The following CDKAL1 variants were observed in gnomAD, a reference collection of about 807,000 sequenced individuals.
CDKAL1 encodes threonylcarbamoyladenosine tRNA methylthiotransferase.
In CDKAL1, 32 loss-of-function variants were observed where a neutral mutation model predicts 68.2. The ratio of observed to expected loss-of-function variants is 0.47; its 90% CI spans 0.35 to 0.63. CDKAL1 has a LOEUF of 0.63. Among genes scored for constraint, CDKAL1 ranks in the 30% least tolerant of loss-of-function variants. The pLI is 0.00. For synonymous variants in CDKAL1, 234 were observed against 244.3 expected (o/e 0.96, Z 0.39); for missense variants, 606 against 696.7 (o/e 0.87, Z 1.47).
chr6:21,217,745 G>A (rs1435148542), intron 15 of CDKAL1, among the ~76,000 whole-genome samples: 6 of 152,078 alleles, frequency 3.9e-5, no homozygotes, highest in East Asian at 1.9e-4. Context: ...TGATCCACCC[G>A]CCTCGGCCTC....
intron 11 of CDKAL1, among the ~76,000 whole-genome samples, chr6:21,064,488 A>G (rs1771315505): frequency 6.6e-6 from 1 of 152,236 alleles, no homozygotes; most frequent in African/African-American, 2.4e-5. Flanking sequence ...TGGAGTCTGG[A>G]AAACATCAAC....
chr6:21,016,160 A>G (rs965797452), intron 11 of CDKAL1, among the ~76,000 whole-genome samples: 7 of 151,636 alleles, frequency 4.6e-5, no homozygotes, highest in African/African-American at 1.7e-4. Context: ...GTGTATATAT[A>G]TATATATAGA....
intron 11 of CDKAL1, among the ~76,000 whole-genome samples, chr6:21,059,304 T>C (rs1040731868): frequency 2.0e-4 from 30 of 152,336 alleles, no homozygotes; most frequent in African/African-American, 7.0e-4. Flanking sequence ...GTTGCAGTGA[T>C]GGCAGCCACC....
intron 9 of CDKAL1, among the ~76,000 whole-genome samples, chr6:20,877,043 T>A (rs1288649475): frequency 6.6e-6 from 1 of 152,218 alleles, no homozygotes; most frequent in African/African-American, 2.4e-5. Flanking sequence ...CTGGTGATGA[T>A]GGTTCCAATT....
chr6:20,916,259 T>G (rs1245966525), intron 9 of CDKAL1, among the ~76,000 whole-genome samples: 1 of 152,218 alleles, frequency 6.6e-6, no homozygotes, highest in African/African-American at 2.4e-5. Context: ...TTTTTTGTTC[T>G]TGATAATTGA....
chr6:20,822,739 T>G (rs1400596906), intron 8 of CDKAL1, among the ~76,000 whole-genome samples: 3 of 152,130 alleles, frequency 2.0e-5, no homozygotes, highest in African/African-American at 2.4e-5. Flanking sequence ...TCTTTCCCCC[T>G]TCACTCAGCC....
At chr6:21,201,334 GTGATTCCAGGCCA>G in intron 15 of CDKAL1, 60 bp downstream of exon 15, 1 of 1,424,760 alleles carries the variant, frequency 7.0e-7, no homozygotes, top group Non-Finnish European at 9.7e-7. Flanking sequence ...TGGAAGCACA[GTGATTCCAGGCCA>G]TGTTTCTGTT....
intron 10 of CDKAL1, among the ~76,000 whole-genome samples, chr6:20,958,163 G>A (rs181847858): frequency 2.7e-4 from 41 of 152,216 alleles, no homozygotes; most frequent in South Asian, 1.0e-3. Context: ...TGTGCAGGAG[G>A]TAATCCAGGC....
At chr6:21,223,439 C>T (rs1013367105) in intron 15 of CDKAL1, among the ~76,000 whole-genome samples, 1 of 152,188 alleles carries the variant, frequency 6.6e-6, no homozygotes, top group African/African-American at 2.4e-5. Context: ...CTAAATACTC[C>T]TTCTACTTAG....
intron 9 of CDKAL1, among the ~76,000 whole-genome samples, chr6:20,853,648 C>A (rs919216234): frequency 6.6e-6 from 1 of 152,074 alleles, no homozygotes; most frequent in Non-Finnish European, 1.5e-5. Flanking sequence ...CTTATAAAAC[C>A]AAAACTAAAT....
intron 15 of CDKAL1, among the ~76,000 whole-genome samples, chr6:21,210,845 T>C (rs1294451599): frequency 1.3e-5 from 2 of 152,130 alleles, no homozygotes; most frequent in Non-Finnish European, 2.9e-5. Context: ...GGGACCAGAA[T>C]CTTTGCTGAG....
intron 8 of CDKAL1, among the ~76,000 whole-genome samples, chr6:20,792,572 C>T (rs920625959): frequency 6.6e-6 from 1 of 152,172 alleles, no homozygotes; most frequent in Non-Finnish European, 1.5e-5. Flanking sequence ...CCCACTTTCT[C>T]CTGTCTCTGT....
intron 5 of CDKAL1, among the ~76,000 whole-genome samples, chr6:20,734,863 C>CTTTTTT (rs34104100): frequency 4.2e-4 from 37 of 87,692 alleles, no homozygotes; most frequent in Admixed American, 6.1e-4. Context: ...TGCTGCACCT[C>CTTTTTT]TTTTTTTTTT....
intron 8 of CDKAL1, among the ~76,000 whole-genome samples, chr6:20,811,686 G>A (rs1776822785): frequency 1.3e-5 from 2 of 151,632 alleles, no homozygotes; most frequent in African/African-American, 2.4e-5. Flanking sequence ...ATCATAACAG[G>A]GTCTCATGTC....
chr6:20,649,266 T>C (rs1394651326), intron 4 of CDKAL1, 27 bp from the exon 5 acceptor site: 3 of 1,500,894 alleles, frequency 2.0e-6, no homozygotes, highest in South Asian at 1.2e-5. Flanking sequence ...GCTACTTACT[T>C]CTTTTTTGTG....
intron 4 of CDKAL1, among the ~76,000 whole-genome samples, chr6:20,578,811 A>G (rs1357428719): frequency 6.6e-6 from 1 of 152,252 alleles, no homozygotes; most frequent in African/African-American, 2.4e-5. Flanking sequence ...GTCTTGTGAT[A>G]TAAAATTCTG....
At chr6:20,979,691 G>A (rs1374826917) in intron 10 of CDKAL1, among the ~76,000 whole-genome samples, 2 of 151,570 alleles carry the variant, frequency 1.3e-5, no homozygotes, top group African/African-American at 4.8e-5. Flanking sequence ...CTTGCTGAGT[G>A]GTATTGACAC....
In CDKAL1 at chr6:20,935,431, CT is replaced by C. The variant is rs147959758; in HGVS notation, c.743-19974del. On this transcript the variant is annotated intron_variant, in intron 9 of 15. Coordinates refer to ENST00000274695, the MANE Select transcript of CDKAL1 (RefSeq NM_017774.3). ...GCCCTGTATGGTGTGGAAAATTAGA[CT>C]TTTTTTTTTTTTTGGAGACATACTT... 7.4e-3 allele frequency among the ~76,000 whole-genome samples: 1,062 copies of C among 143,006 alleles called. 5 individuals are homozygous for C. The highest frequency in any genetic ancestry group is 0.021 in the African/African-American group (824 of 38,954). The allele number at this position is 143,006 out of a possible 152,430, so 93.8% of individuals were successfully genotyped here.
At chr6:20,764,372 A>C (rs1353294188) in intron 7 of CDKAL1, among the ~76,000 whole-genome samples, 1 of 152,184 alleles carries the variant, frequency 6.6e-6, no homozygotes, top group African/African-American at 2.4e-5. Flanking sequence ...AAGTGGCGGT[A>C]ATTTAGGGTT....
Sources: allele counts gnomAD v4.1 joint callset (sites outside exome capture counted in the v4.1 genomes callset), GRCh38; gene constraint gnomAD v4.1.1; transcripts MANE v1.5; gene names NCBI Gene and HGNC (gene_info 2026-07-23, HGNC 2026-07-21).